Variants in RARA observed in about 807,000 individuals in gnomAD.
RARA encodes PML-DDX5-RARA fusion.
In RARA, 5 loss-of-function variants were observed where a neutral mutation model predicts 42.8. That is an observed-to-expected ratio of 0.12 (90% confidence interval 0.06 to 0.25). The LOEUF (loss-of-function observed/expected upper bound fraction) is 0.25. Among genes scored for constraint, RARA ranks in the 10% least tolerant of loss-of-function variants. The probability of loss-of-function intolerance (pLI) is 1.00; values close to 1 mark genes in which losing one functional copy is unlikely to be tolerated. For synonymous variants in RARA, 256 were observed against 259.5 expected (o/e 0.99, Z 0.13); for missense variants, 402 against 628.7 (o/e 0.64, Z 3.86).
At chr17:40,331,457 C>G in intron 2 of RARA, 61 bp downstream of exon 2, 1 of 1,546,368 alleles carries the variant, frequency 6.5e-7, no homozygotes. Context: ...GGCCTCAGAG[C>G]TTGGGCTCTG....
chr17:40,355,996 T>G lies in RARA; in HGVS notation c.1172-13T>G. 1 of 1,588,252 alleles carries G rather than the reference T, an allele frequency of 6.3e-7. No individual in the cohort carries two copies. The highest frequency in any genetic ancestry group is 8.6e-7 in the Non-Finnish European group (1 of 1,168,426). On this transcript the variant is annotated splice_polypyrimidine_tract_variant and intron_variant, in intron 8 of 8. Transcript: ENST00000254066. This position sits in a 1 kb window ranked among gnomAD's most constrained non-coding sequence, Gnocchi z 4.1. ...GCCCAGCGTGCTGACCTCTGCCCCC[T>G]CCTTTCCTGCAGGGGCTGAGCGGGT... is the stretch of plus-strand genomic sequence containing the variant.
In RARA at chr17:40,355,195, C is replaced by T; in HGVS notation, c.1013-68C>T. 2 of 1,497,646 alleles carry T rather than the reference C, an allele frequency of 1.3e-6. No individual in the cohort carries two copies. The highest frequency in any genetic ancestry group is 1.3e-5 in the South Asian group (1 of 78,416). 92.8% of individuals were successfully genotyped at this position (1,497,646 alleles called of 1,614,324 possible). On this transcript the variant is annotated intron_variant, in intron 7 of 8. Transcript: ENST00000254066. This position sits in a 1 kb window ranked among gnomAD's most constrained non-coding sequence, Gnocchi z 4.1. ...CCTCCATGGCCTGGGCAGGCACGCC[C>T]CCCGGTGGCCGAGGCTGGGGGTGCA...
At chr17:40,316,477 A>C (rs1040188294) in intron 1 of RARA, among the ~76,000 whole-genome samples, 3 of 152,234 alleles carry the variant, frequency 2.0e-5, no homozygotes, top group Non-Finnish European at 2.9e-5. Context: ...GGTGTACCTG[A>C]AGGTCGTCCC....
chr17:40,338,105 G>C (rs1158652804), intron 2 of RARA, among the ~76,000 whole-genome samples: 1 of 152,252 alleles, frequency 6.6e-6, no homozygotes, highest in Non-Finnish European at 1.5e-5. Flanking sequence ...GACGCGGGGA[G>C]GGAACTCAGG....
intron 2 of RARA, among the ~76,000 whole-genome samples, chr17:40,334,917 TAC>T (rs2033801673): frequency 6.6e-6 from 1 of 152,144 alleles, no homozygotes. Context: ...TTTGTTCTGC[TAC>T]AGCCAGGGTG....
At chr17:40,350,093 G>C in intron 4 of RARA, 168 bp downstream of exon 4, 1 of 1,075,168 alleles carries the variant, frequency 9.3e-7, no homozygotes, top group Non-Finnish European at 1.3e-6. Flanking sequence ...GCAAGGACCT[G>C]TTTGCGAGTC....
intron 2 of RARA, among the ~76,000 whole-genome samples, chr17:40,336,411 AG>A (rs2033852034): frequency 6.6e-6 from 1 of 151,872 alleles, no homozygotes; most frequent in Admixed American, 6.6e-5. Flanking sequence ...TATTTGTTTT[AG>A]ACAGAGTCTA....
intron 2 of RARA, among the ~76,000 whole-genome samples, chr17:40,335,415 C>T (rs187523416): frequency 7.9e-5 from 12 of 152,170 alleles, no homozygotes; most frequent in African/African-American, 2.7e-4. Flanking sequence ...CTGGGCTGGG[C>T]GTGGTGACTC....
At chr17:40,323,918 C>T (rs2033465692) in intron 1 of RARA, among the ~76,000 whole-genome samples, 1 of 152,024 alleles carries the variant, frequency 6.6e-6, no homozygotes, top group African/African-American at 2.4e-5. Context: ...TCTAGTCCTG[C>T]TGGCAGTTTG....
chr17:40,348,494 G>A (rs1338190840), intron 3 of RARA, 30 bp downstream of exon 3: 1 of 1,604,476 alleles, frequency 6.2e-7, no homozygotes, highest in Admixed American at 1.7e-5. Flanking sequence ...GGGAAGGACA[G>A]CTTGATGAGG....
In RARA at chr17:40,356,959, T is replaced by G. The variant is rs1182478659; in HGVS notation, c.*733T>G. 2.6e-6 allele frequency: 1 copy of G among 386,934 alleles called. No homozygotes were observed. The highest frequency in any genetic ancestry group is 2.1e-5 in the African/African-American group (1 of 47,586). 24.0% of individuals were successfully genotyped at this position (386,934 alleles called of 1,614,324 possible). A position where few individuals can be genotyped will look rare whatever the true frequency, so the allele number is the denominator to read the frequency against. On this transcript the variant is annotated 3_prime_UTR_variant, in exon 9 of 9. Transcript: ENST00000254066. ...CAGCCTTTTCCTCCTCAGTTTTCTC[T>G]TTAAAACTGTGAAGTACTAACTTTC... is the stretch of plus-strand genomic sequence containing the variant.
chr17:40,347,296 A>C (rs1043634893), intron 2 of RARA, among the ~76,000 whole-genome samples: 5 of 152,120 alleles, frequency 3.3e-5, no homozygotes, highest in African/African-American at 1.2e-4. Context: ...GGGCCTCAGG[A>C]CGATGCTGCG....
At chr17:40,324,501 AGC>A (rs1305039157) in intron 1 of RARA, among the ~76,000 whole-genome samples, 2 of 152,098 alleles carry the variant, frequency 1.3e-5, no homozygotes, top group African/African-American at 4.8e-5. Context: ...TTGGGAGCAC[AGC>A]CCTGACCAGC....
At position 40,331,140 on chromosome 17, in the gene RARA, C is replaced by T; in HGVS notation, c.-79C>T. On this transcript the variant is annotated 5_prime_UTR_variant, in exon 2 of 9. Coordinates refer to ENST00000254066, the MANE Select transcript of RARA (RefSeq NM_000964.4). ...ACCCCATCTGGGCCCAGGCCCCATG[C>T]CCCGAGGAGGGGTGGTCTGAAGCCC... 1.4e-6 allele frequency: 2 copies of T among 1,457,412 alleles called. No individual in the cohort carries two copies. Among genetic ancestry groups the T allele is most frequent in the Non-Finnish European group, 1.8e-6 (2 of 1,084,278 alleles). 90.3% of individuals were successfully genotyped at this position (1,457,412 alleles called of 1,614,324 possible).
In RARA at chr17:40,349,907, G is replaced by A. The variant is rs1436372199; in HGVS notation, c.451G>A (p.Val151Met). 6.2e-7 allele frequency: 1 copy of A among 1,614,118 alleles called. No homozygotes were observed. The highest frequency in any genetic ancestry group is 8.5e-7 in the Non-Finnish European group (1 of 1,180,026). Residue 151 changes from valine (V) to methionine (M), a missense_variant, in exon 4 of 9, where the codon GTG becomes ATG. Val to Met is a conservative substitution (Grantham distance 21, BLOSUM62 1). Around this residue, in one of 5 missense-constraint regions of RARA, gnomAD observed 130 missense variants for 267.9 expected, o/e 0.49. Coordinates refer to ENST00000254066, the MANE Select transcript of RARA (RefSeq NM_000964.4). ...QYCRLQKCFE[V>M]GMSKESVRND... Reference sequence around the variant, plus strand: ...CTGCCGACTGCAGAAGTGCTTTGAAGTGGGCATGTCCAAGGAGTGTGAGTG... The same window carrying A: ...CTGCCGACTGCAGAAGTGCTTTGAAATGGGCATGTCCAAGGAGTGTGAGTG...
chr17:40,318,680 G>A (rs2033273760), intron 1 of RARA, among the ~76,000 whole-genome samples: 1 of 152,248 alleles, frequency 6.6e-6, no homozygotes, highest in Admixed American at 6.5e-5. Context: ...GGCGTCTGGG[G>A]CCGTCTGCTG....
rs1024653746 is a variant in RARA, at chr17:40,351,790, T to C, written c.470-120T>C. On this transcript the variant is annotated intron_variant, in intron 4 of 8. Coordinates refer to ENST00000254066, the MANE Select transcript of RARA (RefSeq NM_000964.4). The surrounding 1 kb of genome is among the most constrained non-coding windows in gnomAD (Gnocchi z 4.1). Reference sequence around the variant, plus strand: ...TGCCTGCCCGTGAACGCGTGCTGTGTGCGCGTGCTTACAAGCCTGGGTGAC... The same window carrying C: ...TGCCTGCCCGTGAACGCGTGCTGTGCGCGCGTGCTTACAAGCCTGGGTGAC... 190 of 1,325,878 alleles carry C rather than the reference T, an allele frequency of 1.4e-4. No individual in the cohort carries two copies. The highest frequency in any genetic ancestry group is 1.9e-4 in the Non-Finnish European group (181 of 973,578). The allele number at this position is 1,325,878 out of a possible 1,614,324, so 82.1% of individuals were successfully genotyped here. A position where few individuals can be genotyped will look rare whatever the true frequency, so the allele number is the denominator to read the frequency against.
Position 40,355,194 on chromosome 17 carries a change from C to T in RARA, c.1013-69C>T. 1.3e-6 allele frequency: 2 copies of T among 1,496,064 alleles called. No individual in the cohort carries two copies. The highest frequency in any genetic ancestry group is 1.4e-5 in the African/African-American group (1 of 71,688). The allele number at this position is 1,496,064 out of a possible 1,614,324, so 92.7% of individuals were successfully genotyped here. On this transcript the variant is annotated intron_variant, in intron 7 of 8. Transcript: ENST00000254066. The surrounding 1 kb of genome is among the most constrained non-coding windows in gnomAD (Gnocchi z 4.1). ...TCCTCCATGGCCTGGGCAGGCACGC[C>T]CCCCGGTGGCCGAGGCTGGGGGTGC...
chr17:40,319,583 C>A (rs1393122550), intron 1 of RARA, among the ~76,000 whole-genome samples: 2 of 151,854 alleles, frequency 1.3e-5, no homozygotes, highest in African/African-American at 2.4e-5. Context: ...GACACTCCCC[C>A]TCCTCAGTTT....
Sources: allele counts gnomAD v4.1 joint callset (sites outside exome capture counted in the v4.1 genomes callset), GRCh38; gene constraint gnomAD v4.1.1; regional missense constraint gnomAD v4.1.1; non-coding constraint Gnocchi (gnomAD v3.1); transcripts MANE v1.5; gene names NCBI Gene and HGNC (gene_info 2026-07-23, HGNC 2026-07-21).